Variants in TNKS observed in about 807,000 individuals in gnomAD.
TNKS encodes the protein tankyrase.
A neutral mutation model predicts 135.8 loss-of-function variants in TNKS; 72 were observed. That is an observed-to-expected ratio of 0.53 (90% CI 0.44 to 0.64). TNKS has a LOEUF of 0.64. TNKS is among the 30% of genes least tolerant of loss of function. TNKS has a pLI of 0.00. For missense variants in TNKS, 1,769 were observed against 1,674.0 expected (o/e 1.06, Z -0.99); for synonymous variants, 849 against 649.3 (o/e 1.31, Z -4.68).
chr8:9,660,552 A>G (rs1563149663), intron 3 of TNKS, among the ~76,000 whole-genome samples: 1 of 152,072 alleles, frequency 6.6e-6, no homozygotes, highest in African/African-American at 2.4e-5. Flanking sequence ...CATGCTAAAA[A>G]CTCTCATTAA....
At chr8:9,717,955 C>T (rs912492144) in intron 11 of TNKS, among the ~76,000 whole-genome samples, 1 of 151,878 alleles carries the variant, frequency 6.6e-6, no homozygotes, top group Non-Finnish European at 1.5e-5. Context: ...AAAATACAAA[C>T]AATACATTTT....
intron 3 of TNKS, among the ~76,000 whole-genome samples, chr8:9,629,498 G>T (rs1800201322): frequency 6.6e-6 from 1 of 152,192 alleles, no homozygotes; most frequent in South Asian, 2.1e-4. Context: ...TGACTGCAAT[G>T]GTTAGTGCTT....
chr8:9,730,862 G>A (rs1805402400), intron 13 of TNKS, 28 bp from the exon 14 acceptor site: 1 of 1,597,026 alleles, frequency 6.3e-7, no homozygotes, highest in Non-Finnish European at 8.6e-7. Flanking sequence ...TTCGTTTTGT[G>A]TTTGTCTTTG....
At chr8:9,632,472 TA>T (rs1800327862) in intron 3 of TNKS, among the ~76,000 whole-genome samples, 1 of 152,220 alleles carries the variant, frequency 6.6e-6, no homozygotes, top group Admixed American at 6.5e-5. Flanking sequence ...TACTACTATT[TA>T]TTGGACAATT....
At chr8:9,664,797 C>G (rs552927457) in intron 3 of TNKS, among the ~76,000 whole-genome samples, 1 of 152,266 alleles carries the variant, frequency 6.6e-6, no homozygotes, top group East Asian at 1.9e-4. Context: ...AAAAGTCACA[C>G]GTTCATGACT....
intron 26 of TNKS, among the ~76,000 whole-genome samples, chr8:9,774,333 A>G (rs1808107553): frequency 1.3e-5 from 2 of 152,232 alleles, no homozygotes; most frequent in African/African-American, 4.8e-5. Context: ...AACATACAGA[A>G]TCATTCAAGA....
intron 3 of TNKS, among the ~76,000 whole-genome samples, chr8:9,643,592 A>G (rs1800802289): frequency 6.6e-6 from 1 of 152,142 alleles, no homozygotes; most frequent in African/African-American, 2.4e-5. Context: ...ACTATTAAAA[A>G]CAACAACCAC....
Position 9,706,905 on chromosome 8 carries a change from T to G in TNKS, c.1364T>G (p.Leu455Arg), listed in dbSNP as rs1804073695. Residue 455 changes from leucine to arginine, a missense_variant, in exon 8 of 27, where the codon CTT becomes CGT. Coordinates refer to ENST00000310430, the MANE Select transcript of TNKS (RefSeq NM_003747.3). ...CGTGTAGAAGTCTGCTCTTTGTTAC[T>G]TAGCCATGGCGCTGATCCTACATTA... The part of the protein sequence containing the change: ...KNRVEVCSLL[L>R]SHGADPTLVN... 1 of 1,614,030 alleles carries G rather than the reference T, an allele frequency of 6.2e-7. No homozygotes were observed. Among genetic ancestry groups the G allele is most frequent in the Non-Finnish European group, 8.5e-7 (1 of 1,180,012 alleles).
intron 2 of TNKS, among the ~76,000 whole-genome samples, chr8:9,581,103 A>G (rs970229477): frequency 1.3e-5 from 2 of 152,100 alleles, no homozygotes; most frequent in African/African-American, 4.8e-5. Context: ...TGGCAGGTTG[A>G]TTTACGTAAT....
rs59400423 is a variant in TNKS at position 9,691,920 on chromosome 8, T to C, written c.1107+11120T>C. Among the ~76,000 whole-genome samples the C allele has an allele frequency of 7.6e-3, 1,158 of 152,356 alleles. 14 individuals carry two copies. Among genetic ancestry groups the C allele is most frequent in the African/African-American group, 0.026 (1,076 of 41,588 alleles). On this transcript the variant is annotated intron_variant, in intron 5 of 26. Coordinates refer to ENST00000310430, the MANE Select transcript of TNKS (RefSeq NM_003747.3). ...AAGTCAAAATAATTTATTTGATATA[T>C]AGAGAGCCACACTCCAGCTAATGAA... is the stretch of plus-strand genomic sequence containing the variant.
chr8:9,596,715 C>T (rs555453629), intron 2 of TNKS, among the ~76,000 whole-genome samples: 2 of 152,146 alleles, frequency 1.3e-5, no homozygotes, highest in African/African-American at 4.8e-5. Context: ...TTGTGTCAAG[C>T]CTGAAAATTT....
chr8:9,688,937 G>C (rs576706227), intron 5 of TNKS, among the ~76,000 whole-genome samples: 2 of 150,628 alleles, frequency 1.3e-5, no homozygotes, highest in African/African-American at 4.9e-5. Context: ...CACTGTTCCC[G>C]GCCCAGCAAG....
In TNKS at chr8:9,720,449, C is replaced by G; in HGVS notation, c.1825C>G (p.Leu609Val). Residue 609 changes from leucine (L) to valine (V), a missense_variant, in exon 12 of 27, where the codon CTC becomes GTC. By Grantham distance (32) the Leu-to-Val change is conservative. Transcript: ENST00000310430. ...ALAGHLQTCRLLLSYGSDPSI... is the reference protein window; with the variant it reads ...ALAGHLQTCRVLLSYGSDPSI... ...AGCAGGTCACCTGCAGACCTGCCGC[C>G]TCCTGCTGAGTTACGGCTCTGACCC... The G allele has an allele frequency of 6.2e-7, 1 of 1,614,188 alleles. No homozygotes were observed.
intron 1 of TNKS, among the ~76,000 whole-genome samples, chr8:9,571,543 C>T (rs11984704): frequency 0.026 from 3,971 of 152,098 alleles, 160 homozygotes; most frequent in African/African-American, 0.085. Context: ...CTGCAAGCTC[C>T]GCCTCCCGGG....
chr8:9,649,411 C>G (rs62491543), intron 3 of TNKS, among the ~76,000 whole-genome samples: 3 of 152,046 alleles, frequency 2.0e-5, no homozygotes, highest in African/African-American at 7.2e-5. Flanking sequence ...ATACACTTCA[C>G]TAGTAGAATA....
chr8:9,572,503 C>G (rs1167599872), intron 1 of TNKS, among the ~76,000 whole-genome samples: 1 of 152,166 alleles, frequency 6.6e-6, no homozygotes, highest in South Asian at 2.1e-4. Flanking sequence ...CTTACGTTTT[C>G]TCTTATTCTC....
chr8:9,761,635 A>T lies in TNKS; in HGVS notation c.3273A>T (p.Gln1091His). 6.3e-7 allele frequency: 1 copy of T among 1,587,524 alleles called. No individual in the cohort carries two copies. The highest frequency in any genetic ancestry group is 8.5e-7 in the Non-Finnish European group (1 of 1,173,572). Residue 1091 changes from glutamine (Q) to histidine (H), a missense_variant and splice_region_variant, in exon 21 of 27, where the codon CAA becomes CAT. Coordinates refer to ENST00000310430, the MANE Select transcript of TNKS (RefSeq NM_003747.3). ...KGVERLLGGQ[Q>H]GTNPYLTFHC... The stretch of plus-strand genomic sequence containing the variant: ...TAGAAAGACTCTTAGGTGGACAACA[A>T]GGTAAGCTATTCAGAAAAAAAAAAA...
rs1804162005 is a variant in TNKS at position 9,708,494 on chromosome 8, T to TTC, written c.1578+2_1578+3insTC. ...CCGCAGTCTCATGAAACAGCACTGG[T>TTC]AAGATTTTATTGTTAATCTATTCCC... On this transcript the variant is annotated splice_region_variant and intron_variant, in intron 9 of 26. Transcript: ENST00000310430. 6.3e-7 allele frequency: 1 copy of TTC among 1,589,056 alleles called. No individual in the cohort carries two copies. The highest frequency in any genetic ancestry group is 8.6e-7 in the Non-Finnish European group (1 of 1,169,084).
At chr8:9,580,076 T>G (rs1419372558) in intron 1 of TNKS, 83 bp from the exon 2 acceptor site, 2 of 1,174,602 alleles carry the variant, frequency 1.7e-6, no homozygotes, top group African/African-American at 3.0e-5. Flanking sequence ...TTGTTCATAC[T>G]TGTTGATATT....
Sources: allele counts gnomAD v4.1 joint callset (sites outside exome capture counted in the v4.1 genomes callset), GRCh38; gene constraint gnomAD v4.1.1; transcripts MANE v1.5; gene names NCBI Gene and HGNC (gene_info 2026-07-23, HGNC 2026-07-21).